The following EFR3A variants were observed in gnomAD, a reference collection of about 807,000 sequenced individuals.
The protein encoded by EFR3A is EFR3 homolog A, also known as protein EFR3 homolog A.
A neutral mutation model predicts 104.4 loss-of-function variants in EFR3A; 76 were observed. The observed-to-expected ratio is 0.73, with a 90% CI of 0.60 to 0.88. The LOEUF is 0.88. EFR3A is among the 40% of genes least tolerant of loss of function. The probability of loss-of-function intolerance (pLI) is 0.00; values close to 1 mark genes in which losing one functional copy is unlikely to be tolerated. For synonymous variants in EFR3A, 330 were observed against 330.0 expected (o/e 1.00, Z 0.00); for missense variants, 985 against 1,012.5 (o/e 0.97, Z 0.37).
chr8:131,910,446 G>A (rs1241338820), intron 1 of EFR3A, among the ~76,000 whole-genome samples: 1 of 152,052 alleles, frequency 6.6e-6, no homozygotes, highest in Non-Finnish European at 1.5e-5. Flanking sequence ...TAATTGTTTT[G>A]TATTTGAGTA....
intron 1 of EFR3A, among the ~76,000 whole-genome samples, chr8:131,926,775 G>A (rs1586546776): frequency 6.6e-6 from 1 of 152,060 alleles, no homozygotes; most frequent in African/African-American, 2.4e-5. Context: ...GTGTGCCACC[G>A]TGTCCAGCTA....
At chr8:131,979,948 A>T (rs1394689814) in intron 14 of EFR3A, among the ~76,000 whole-genome samples, 1 of 152,106 alleles carries the variant, frequency 6.6e-6, no homozygotes, top group Non-Finnish European at 1.5e-5. Context: ...CAAATGGCTG[A>T]ATTTAGAAGA....
intron 8 of EFR3A, among the ~76,000 whole-genome samples, chr8:131,963,073 T>C (rs1048280640): frequency 6.6e-6 from 1 of 152,194 alleles, no homozygotes. Context: ...TAAAGCTGTG[T>C]GTAGAGGGAA....
chr8:131,957,350 C>CTTT lies in EFR3A; in HGVS notation c.776+1461_776+1463dup, dbSNP rs1185442281. On this transcript the variant is annotated intron_variant, in intron 7 of 22. Transcript: ENST00000254624. ...TAATTTGAAGATTTAGGGCCAGGGT[C>CTTT]TTTTTTTTTTTTTTTTTTGAGACAG... is the stretch of plus-strand genomic sequence containing the variant. 3.2e-5 allele frequency among the ~76,000 whole-genome samples: 4 copies of CTTT among 125,940 alleles called. 1 individual carries two copies. Among genetic ancestry groups the CTTT allele is most frequent in the African/African-American group, 6.0e-5 (2 of 33,468 alleles). The allele number at this position is 125,940 out of a possible 152,430, so 82.6% of individuals were successfully genotyped here.
At chr8:131,995,668 G>A (rs1421484293) in intron 18 of EFR3A, among the ~76,000 whole-genome samples, 1 of 152,200 alleles carries the variant, frequency 6.6e-6, no homozygotes, top group East Asian at 1.9e-4. Context: ...TCAGAAGAGT[G>A]GTTGGGGTTG....
chr8:131,953,577 C>T (rs929173829), intron 5 of EFR3A, among the ~76,000 whole-genome samples: 1 of 151,974 alleles, frequency 6.6e-6, no homozygotes, highest in African/African-American at 2.4e-5. Flanking sequence ...ATTTTATAGT[C>T]CTTTTAACGT....
At chr8:131,990,330 A>C (rs568816174) in intron 18 of EFR3A, among the ~76,000 whole-genome samples, 1 of 152,212 alleles carries the variant, frequency 6.6e-6, no homozygotes, top group Non-Finnish European at 1.5e-5. Flanking sequence ...GGGTCCTCCA[A>C]TAGCACATAC....
chr8:132,003,625 G>A (rs1470598791), intron 22 of EFR3A, among the ~76,000 whole-genome samples: 7 of 152,128 alleles, frequency 4.6e-5, no homozygotes, highest in Admixed American at 6.6e-5. Context: ...ATATTGAATC[G>A]TTTTGTCCTG....
chr8:131,955,819 T>C lies in EFR3A; in HGVS notation c.690T>C (p.Pro230=). 1 of 1,613,660 alleles carries C rather than the reference T, an allele frequency of 6.2e-7. No individual in the cohort carries two copies. The highest frequency in any genetic ancestry group is 1.3e-5 in the African/African-American group (1 of 75,052). The part of the protein sequence containing the change: ...SPSATDKEEN[P]AVLAENCFRE... ...CTGCAACTGACAAAGAAGAGAATCC[T>C]GCTGTGCTGGCTGAAAACTGTTTCA... Residue 230 remains proline (P), a synonymous_variant, in exon 7 of 23, where the codon CCT becomes CCC. Transcript: ENST00000254624.
At chr8:131,932,902 CCT>C (rs1817681908) in intron 1 of EFR3A, among the ~76,000 whole-genome samples, 1 of 152,004 alleles carries the variant, frequency 6.6e-6, no homozygotes, top group East Asian at 1.9e-4. Context: ...TTATGCCTTT[CCT>C]CTGTTTTTCT....
chr8:131,905,276 A>G (rs1816194584), intron 1 of EFR3A, among the ~76,000 whole-genome samples: 2 of 152,224 alleles, frequency 1.3e-5, no homozygotes, highest in African/African-American at 2.4e-5. Context: ...CCTAGAATTC[A>G]TAACTACTTC....
chr8:131,997,513 A>G (rs1213795138), intron 19 of EFR3A, among the ~76,000 whole-genome samples: 2 of 152,090 alleles, frequency 1.3e-5, no homozygotes, highest in Non-Finnish European at 2.9e-5. Flanking sequence ...TCAGCACGGC[A>G]TCAAGAGTAG....
chr8:131,904,438 G>A (rs1816138541), intron 1 of EFR3A, 116 bp downstream of exon 1: 2 of 1,015,810 alleles, frequency 2.0e-6, no homozygotes, highest in African/African-American at 1.7e-5. Context: ...GCAGAGCCAG[G>A]AAGTGTCTGC....
chr8:131,979,547 G>T (rs1461360568), intron 14 of EFR3A, 126 bp downstream of exon 14: 1 of 640,730 alleles, frequency 1.6e-6, no homozygotes, highest in Non-Finnish European at 2.7e-6. Flanking sequence ...AAGACCTCAA[G>T]ACGCCATCTT....
chr8:131,944,448 T>A (rs1453367059), intron 2 of EFR3A, among the ~76,000 whole-genome samples: 1 of 152,116 alleles, frequency 6.6e-6, no homozygotes, highest in Non-Finnish European at 1.5e-5. Context: ...TCTTTTTACA[T>A]CTATATCCCA....
chr8:131,962,905 A>G (rs1401845218), intron 8 of EFR3A, among the ~76,000 whole-genome samples: 2 of 152,240 alleles, frequency 1.3e-5, no homozygotes, highest in Admixed American at 6.5e-5. Context: ...AGAACTCAGG[A>G]TTAAGAAACT....
At chr8:131,949,725 G>A (rs1224296614) in intron 4 of EFR3A, among the ~76,000 whole-genome samples, 1 of 151,508 alleles carries the variant, frequency 6.6e-6, no homozygotes, top group Non-Finnish European at 1.5e-5. Context: ...GAGGCGGGAG[G>A]ATCACTTGAG....
intron 14 of EFR3A, among the ~76,000 whole-genome samples, chr8:131,980,908 G>T (rs1369263182): frequency 2.6e-5 from 4 of 151,882 alleles, no homozygotes; most frequent in Admixed American, 6.6e-5. Flanking sequence ...GTGAGATTAT[G>T]CAGTATTTCT....
intron 1 of EFR3A, among the ~76,000 whole-genome samples, chr8:131,929,061 G>T (rs1020949661): frequency 6.6e-6 from 1 of 152,016 alleles, no homozygotes; most frequent in Non-Finnish European, 1.5e-5. Flanking sequence ...AATGCTTTTG[G>T]TTTTTAAATT....
Sources: allele counts gnomAD v4.1 joint callset (sites outside exome capture counted in the v4.1 genomes callset), GRCh38; gene constraint gnomAD v4.1.1; transcripts MANE v1.5; gene names NCBI Gene and HGNC (gene_info 2026-07-23, HGNC 2026-07-21).